The following CNTNAP4 variants were observed in gnomAD, a reference collection of about 807,000 sequenced individuals.
The protein encoded by CNTNAP4 is contactin associated protein family member 4.
Under a neutral mutation model 148.4 loss-of-function variants are expected in CNTNAP4, and 98 were observed. That is an observed-to-expected ratio of 0.66 (90% CI 0.56 to 0.78). The LOEUF (loss-of-function observed/expected upper bound fraction) is 0.78. Ranked by LOEUF, CNTNAP4 falls within the 30% of genes least tolerant of loss-of-function variation. The probability of loss-of-function intolerance (pLI) is 0.00; values close to 1 mark genes in which losing one functional copy is unlikely to be tolerated. For missense variants in CNTNAP4, 1,935 were observed against 1,565.6 expected, an observed-to-expected ratio of 1.24 and a Z score of -3.98; for synonymous variants, 730 against 565.1, an observed-to-expected ratio of 1.29 and a Z score of -4.14.
chr16:76,308,126 T>G (rs1597141904), intron 1 of CNTNAP4, among the ~76,000 whole-genome samples: 3 of 152,328 alleles, frequency 2.0e-5, no homozygotes, highest in Admixed American at 2.0e-4. Context: ...CAGGAACATT[T>G]TTTTTTTAGA....
intron 2 of CNTNAP4, among the ~76,000 whole-genome samples, chr16:76,341,388 A>G (rs1004341442): frequency 1.3e-5 from 2 of 152,174 alleles, no homozygotes; most frequent in Non-Finnish European, 2.9e-5. Flanking sequence ...TTTTTAATTG[A>G]GTTGTTGAAC....
In CNTNAP4 at chr16:76,553,408, C is replaced by G. The variant is rs781171964; in HGVS notation, c.3568C>G (p.Pro1190Ala). 4.3e-6 allele frequency: 7 copies of G among 1,612,526 alleles called. No individual in the cohort carries two copies. Among genetic ancestry groups the G allele is most frequent in the African/African-American group, 1.3e-5 (1 of 75,012 alleles). ...AGCTCTGCACCCCAGCCACCCAGAC[C>G]CTGTCACTGTTACAGGACACGTGAC... is the stretch of plus-strand genomic sequence containing the variant. Reference protein sequence around the residue: ...KAALHPSHPDPVTVTGHVTES... With the variant: ...KAALHPSHPDAVTVTGHVTES... The change falls in exon 22 of 24, where the codon CCT (proline) becomes GCT (alanine). Residue 1190 changes from proline (P) to alanine (A), a missense_variant. Physicochemically the swap from Pro to Ala is conservative, Grantham distance 27. Coordinates refer to ENST00000611870, the MANE Select transcript of CNTNAP4 (RefSeq NM_033401.5).
Position 76,538,275 on chromosome 16 carries a change from C to A in CNTNAP4, c.3155C>A (p.Pro1052Gln). Residue 1052 changes from proline to glutamine, a missense_variant, in exon 19 of 24, where the codon CCA becomes CAA. By Grantham distance (76) the Pro-to-Gln change is moderately conservative. Transcript: ENST00000611870. ...TTTAGTTTCCGAACAACACGAACAC[C>A]AAGCTTGCTGCTTTTTGTGAGCTCC... ...IKFSFRTTRTPSLLLFVSSFY... is the reference protein window; with the variant it reads ...IKFSFRTTRTQSLLLFVSSFY... 2 of 1,610,040 alleles carry A rather than the reference C, an allele frequency of 1.2e-6. No individual in the cohort carries two copies. Among genetic ancestry groups the A allele is most frequent in the Non-Finnish European group, 8.5e-7 (1 of 1,178,438 alleles).
intron 3 of CNTNAP4, among the ~76,000 whole-genome samples, chr16:76,359,874 A>C (rs2013191575): frequency 6.6e-6 from 1 of 152,228 alleles, no homozygotes; most frequent in Non-Finnish European, 1.5e-5. Flanking sequence ...ACAATTGCTG[A>C]GATATCGTGA....
intron 12 of CNTNAP4, among the ~76,000 whole-genome samples, chr16:76,481,455 G>A (rs1451416774): frequency 1.3e-5 from 2 of 152,192 alleles, no homozygotes; most frequent in Non-Finnish European, 2.9e-5. Context: ...CAGGGCGGGG[G>A]CATAATTTGA....
chr16:76,317,839 T>C (rs910881430), intron 2 of CNTNAP4, among the ~76,000 whole-genome samples: 4 of 152,196 alleles, frequency 2.6e-5, no homozygotes, highest in Admixed American at 2.0e-4. Context: ...TATTTTAAAA[T>C]TTCATTTCAT....
chr16:76,537,468 G>C (rs2144261471), intron 18 of CNTNAP4, among the ~76,000 whole-genome samples: 1 of 152,180 alleles, frequency 6.6e-6, no homozygotes, highest in Non-Finnish European at 1.5e-5. Context: ...GAGAGAGAGA[G>C]AGGAAGACAG....
In CNTNAP4 at chr16:76,553,286, A is replaced by C. The variant is rs199887383; in HGVS notation, c.3446A>C (p.His1149Pro). The C allele has an allele frequency of 1.7e-5, 27 of 1,583,844 alleles. No individual in the cohort carries two copies. Among genetic ancestry groups the C allele is most frequent in the Non-Finnish European group, 2.2e-5 (26 of 1,156,166 alleles). ...KSLVLGRILEHSDVDQDTALA... is the reference protein window; with the variant it reads ...KSLVLGRILEPSDVDQDTALA... Reference sequence around the variant, plus strand: ...CGGTGTTTCTTTGAATTTCTAGAACACAGTGATGTGGACCAGGATACTGCA... The same window carrying C: ...CGGTGTTTCTTTGAATTTCTAGAACCCAGTGATGTGGACCAGGATACTGCA... The change falls in exon 22 of 24, where the codon CAC becomes CCC. Residue 1149 changes from histidine to proline, a missense_variant. By Grantham distance (77) the His-to-Pro change is moderately conservative. Coordinates refer to ENST00000611870, the MANE Select transcript of CNTNAP4 (RefSeq NM_033401.5).
intron 3 of CNTNAP4, among the ~76,000 whole-genome samples, chr16:76,423,447 A>C (rs2079263997): frequency 6.6e-6 from 1 of 152,164 alleles, no homozygotes; most frequent in Admixed American, 6.6e-5. Flanking sequence ...ACATATACTA[A>C]AGTTCTGAAT....
At chr16:76,297,915 C>T (rs1049791193) in intron 1 of CNTNAP4, among the ~76,000 whole-genome samples, 6 of 152,140 alleles carry the variant, frequency 3.9e-5, no homozygotes, top group African/African-American at 1.4e-4. Flanking sequence ...CTCTGCTTCT[C>T]CTTTTCCTCA....
chr16:76,500,098 G>A (rs1023685533), intron 15 of CNTNAP4, among the ~76,000 whole-genome samples: 1 of 151,920 alleles, frequency 6.6e-6, no homozygotes, highest in Non-Finnish European at 1.5e-5. Context: ...GGGTGGCGGC[G>A]GGGCAGAGGG....
intron 3 of CNTNAP4, among the ~76,000 whole-genome samples, chr16:76,393,603 C>G (rs1567982122): frequency 1.3e-5 from 2 of 151,874 alleles, no homozygotes. Context: ...AGAGAGTGCC[C>G]TAACTGCCTG....
chr16:76,557,788 A>G (rs2085255381), intron 23 of CNTNAP4: 1 of 152,198 alleles, frequency 6.6e-6, no homozygotes, highest in Admixed American at 6.5e-5. Flanking sequence ...TAGAATTATC[A>G]TGAAATAGTT....
intron 3 of CNTNAP4, among the ~76,000 whole-genome samples, chr16:76,400,950 A>G (rs1215512359): frequency 1.3e-5 from 2 of 152,170 alleles, no homozygotes; most frequent in East Asian, 1.9e-4. Flanking sequence ...GCACTGTAGT[A>G]CAGTTTGAAG....
At chr16:76,317,864 C>T (rs190509395) in intron 2 of CNTNAP4, among the ~76,000 whole-genome samples, 4 of 152,190 alleles carry the variant, frequency 2.6e-5, no homozygotes, top group Admixed American at 2.6e-4. Context: ...TTGGAGATAC[C>T]TACTTTTGTG....
chr16:76,468,928 A>G (rs1387006963), intron 10 of CNTNAP4, among the ~76,000 whole-genome samples: 1 of 152,192 alleles, frequency 6.6e-6, no homozygotes, highest in Admixed American at 6.5e-5. Context: ...CAGTGTGACC[A>G]AATTAGCCTC....
intron 1 of CNTNAP4, chr16:76,316,168 A>G: frequency 1.8e-6 from 1 of 566,612 alleles, no homozygotes; most frequent in Non-Finnish European, 3.1e-6. Context: ...CTACCTTAAG[A>G]TATTGTTTTA....
intron 13 of CNTNAP4, 88 bp downstream of exon 13, chr16:76,489,971 G>A (rs2082155160): frequency 1.2e-6 from 1 of 843,508 alleles, no homozygotes; most frequent in African/African-American, 1.7e-5. Flanking sequence ...TCTGCAAAGT[G>A]GTGGTGTCTA....
chr16:76,485,415 C>G (rs35723729), intron 12 of CNTNAP4, among the ~76,000 whole-genome samples: 37 of 152,224 alleles, frequency 2.4e-4, no homozygotes, highest in African/African-American at 8.2e-4. Flanking sequence ...CTGTGCCCAG[C>G]CTTCATTGCT....
Sources: gnomAD v4.1 joint callset for allele counts (sites outside exome capture counted in the v4.1 genomes callset) on GRCh38, gnomAD v4.1.1 for gene constraint, MANE v1.5 for transcripts, NCBI Gene and HGNC (gene_info 2026-07-23, HGNC 2026-07-21) for gene names.